SGCD: variants seen among roughly 807,000 people sequenced by gnomAD.
The protein encoded by SGCD is delta-sarcoglycan.
A neutral mutation model predicts 36.6 loss-of-function variants in SGCD; 18 were observed. The observed-to-expected ratio is 0.49, with a 90% CI of 0.34 to 0.73. The LOEUF is 0.73. SGCD is among the 30% of genes least tolerant of loss of function. The pLI, the probability that SGCD is intolerant of heterozygous loss-of-function variation, is 0.01. For missense variants in SGCD, 387 were observed against 346.7 expected (o/e 1.12, Z -0.92); for synonymous variants, 133 against 130.6 (o/e 1.02, Z -0.12).
intron 3 of SGCD, among the ~76,000 whole-genome samples, chr5:156,401,325 T>C (rs1292827435): frequency 6.6e-6 from 1 of 152,200 alleles, no homozygotes; most frequent in Admixed American, 6.5e-5. Flanking sequence ...AATTATTGGA[T>C]AGTAAAAGGT....
chr5:156,473,481 A>G (rs1581043560), intron 3 of SGCD, among the ~76,000 whole-genome samples: 1 of 152,344 alleles, frequency 6.6e-6, no homozygotes, highest in East Asian at 1.9e-4. Flanking sequence ...ACAATTTACA[A>G]CATATGAATT....
chr5:156,048,632 A>G lies in SGCD; in HGVS notation c.-281-69246A>G, dbSNP rs1759835688. ...GCTGCATAAATGTCTTCTTTTGAGAAGTGTCTGTTCATATCCTTCACCCAC... is the reference window on the plus strand; with the variant it reads ...GCTGCATAAATGTCTTCTTTTGAGAGGTGTCTGTTCATATCCTTCACCCAC... On this transcript the variant is annotated intron_variant, in intron 1 of 9. Coordinates refer to the SGCD transcript ENST00000517913. Among the ~76,000 whole-genome samples the G allele has an allele frequency of 3.3e-5, 5 of 152,266 alleles. No individual in the cohort carries two copies. The South Asian group carries it at 1.0e-3, about 32-fold the overall frequency.
At chr5:155,854,505 G>A in the SGCD span, among the ~76,000 whole-genome samples, 2 of 151,996 alleles carry the variant, frequency 1.3e-5, no homozygotes, top group Non-Finnish European at 2.9e-5. Flanking sequence ...AATTTGCCTC[G>A]TATCACAGCT....
intron 1 of SGCD, among the ~76,000 whole-genome samples, chr5:156,097,830 C>G (rs1006932751): frequency 6.6e-6 from 1 of 152,106 alleles, no homozygotes; most frequent in Admixed American, 6.5e-5. Context: ...ACTCTGGGTC[C>G]TGTTTAAATC....
intron 1 of SGCD, among the ~76,000 whole-genome samples, chr5:156,039,980 A>G (rs1759595169): frequency 6.6e-6 from 1 of 152,196 alleles, no homozygotes; most frequent in Non-Finnish European, 1.5e-5. Context: ...TTGTAGGAGC[A>G]GCAGGTTCCA....
chr5:156,228,682 A>G (rs1727030936), intron 3 of SGCD, among the ~76,000 whole-genome samples: 1 of 152,092 alleles, frequency 6.6e-6, no homozygotes, highest in South Asian at 2.1e-4. Context: ...TGATCATGCT[A>G]TTTGTTGCCT....
intron 3 of SGCD, among the ~76,000 whole-genome samples, chr5:156,408,979 T>C (rs951694121): frequency 6.6e-6 from 1 of 152,202 alleles, no homozygotes; most frequent in Non-Finnish European, 1.5e-5. Context: ...CCCTAGTGAA[T>C]GGGGCTTATA....
At chr5:156,325,564 C>G (rs563767372), upstream of SGCD, among the ~76,000 whole-genome samples, 40 of 152,258 alleles carry the variant, frequency 2.6e-4, no homozygotes, top group Non-Finnish European at 4.1e-4. Context: ...TAGACCCAGG[C>G]TATCTGATTA....
rs1212723909 is a variant in SGCD, at chr5:156,154,520, G to GCTTTTTGTCATGATGCATTTTATCAAT, written c.-44+30503_-44+30529dup. Among the ~76,000 whole-genome samples, 5 of 151,744 alleles carry GCTTTTTGTCATGATGCATTTTATCAAT rather than the reference G, an allele frequency of 3.3e-5. No individual in the cohort carries two copies. The East Asian group carries it at 9.6e-4, about 29-fold the overall frequency. On this transcript the variant is annotated intron_variant, in intron 3 of 9. Transcript: ENST00000517913. ...TCAAAATTATAATATACCCTTACCA[G>GCTTTTTGTCATGATGCATTTTATCAAT]CTTTTTGTCATGATGCATTTTATCA...
chr5:155,894,076 G>A (rs542238660), intron 1 of SGCD, among the ~76,000 whole-genome samples: 2 of 152,316 alleles, frequency 1.3e-5, no homozygotes, highest in African/African-American at 2.4e-5. Flanking sequence ...GGGTGAGTTG[G>A]TGAGCGAGTG....
chr5:156,643,839 A>G (rs1054549202), intron 6 of SGCD, among the ~76,000 whole-genome samples: 6 of 152,172 alleles, frequency 3.9e-5, no homozygotes, highest in Admixed American at 3.9e-4. Context: ...CAGGTTATAT[A>G]TACCCAAGCA....
At chr5:156,740,103 C>G (rs1190748702) in intron 7 of SGCD, among the ~76,000 whole-genome samples, 1 of 152,136 alleles carries the variant, frequency 6.6e-6, no homozygotes, top group Non-Finnish European at 1.5e-5. Context: ...ATTTTATTGT[C>G]AAAATTATTA....
chr5:156,184,496 C>T (rs1245345472), intron 3 of SGCD, among the ~76,000 whole-genome samples: 1 of 151,916 alleles, frequency 6.6e-6, no homozygotes, highest in African/African-American at 2.4e-5. Context: ...TCTGTGCCCT[C>T]TCAAACTCCT....
At chr5:155,929,390 T>C (rs568174683) in intron 1 of SGCD, among the ~76,000 whole-genome samples, 1 of 152,298 alleles carries the variant, frequency 6.6e-6, no homozygotes, top group Admixed American at 6.5e-5. Context: ...AAAAGATTCT[T>C]TCTTTCTATA....
At chr5:156,134,603 A>C (rs2127607660) in intron 3 of SGCD, among the ~76,000 whole-genome samples, 1 of 151,222 alleles carries the variant, frequency 6.6e-6, no homozygotes, top group Middle Eastern at 3.4e-3. Flanking sequence ...GGTACAGAAA[A>C]CCAAACACCA....
At chr5:155,755,957 T>A in the SGCD span, among the ~76,000 whole-genome samples, 1 of 152,218 alleles carries the variant, frequency 6.6e-6, no homozygotes, top group African/African-American at 2.4e-5. Context: ...CTTTGGTGCT[T>A]TAAAATTAGG....
At chr5:156,610,857 T>A (rs556475769) in intron 6 of SGCD, among the ~76,000 whole-genome samples, 18 of 152,202 alleles carry the variant, frequency 1.2e-4, no homozygotes, top group Non-Finnish European at 2.4e-4. Context: ...CAGGATATAA[T>A]CTCCTGGTGT....
intron 1 of SGCD, among the ~76,000 whole-genome samples, chr5:156,052,369 G>GT (rs1262904363): frequency 6.8e-6 from 1 of 146,298 alleles, no homozygotes; most frequent in African/African-American, 2.5e-5. Flanking sequence ...GGCTGGCAGG[G>GT]TTTGGTTCAC....
chr5:156,229,920 C>T (rs1044355291), intron 3 of SGCD, among the ~76,000 whole-genome samples: 5 of 151,928 alleles, frequency 3.3e-5, no homozygotes, highest in Admixed American at 6.6e-5. Context: ...TTTTGAGTTC[C>T]GAATTTCTTT....
Sources: allele counts gnomAD v4.1 joint callset (sites outside exome capture counted in the v4.1 genomes callset), GRCh38; gene constraint gnomAD v4.1.1; transcripts MANE v1.5; gene names NCBI Gene and HGNC (gene_info 2026-07-23, HGNC 2026-07-21).